Variants in RIF1 observed in about 807,000 individuals in gnomAD.
RIF1 encodes replication timing regulatory factor 1.
A neutral mutation model predicts 247.1 loss-of-function variants in RIF1; 45 were observed. The ratio of observed to expected loss-of-function variants is 0.18; its 90% CI spans 0.14 to 0.23. RIF1 has a LOEUF of 0.23. RIF1 is among the 10% of genes least tolerant of loss of function. The pLI is 1.00. For synonymous variants in RIF1, 1,087 were observed against 978.8 expected (o/e 1.11, Z -2.06); for missense variants, 2,967 against 2,862.5 (o/e 1.04, Z -0.83).
intron 9 of RIF1, chr2:151,491,649 T>C (rs1344050517): frequency 4.8e-6 from 7 of 1,459,990 alleles, no homozygotes; most frequent in Non-Finnish European, 6.6e-6. Context: ...TAAATGGTGA[T>C]GTTTATGTTG....
chr2:151,518,451 T>A, the RIF1 span: 3 of 1,351,524 alleles, frequency 2.2e-6, no homozygotes, highest in Non-Finnish European at 3.2e-6. Flanking sequence ...AAAAGGCACA[T>A]TGATGGAGAA....
intron 9 of RIF1, chr2:151,490,004 T>C: frequency 6.2e-7 from 1 of 1,612,188 alleles, no homozygotes; most frequent in Non-Finnish European, 8.5e-7. Context: ...GGATGGAAGA[T>C]ACCGTTGTCT....
downstream of RIF1, among the ~76,000 whole-genome samples, chr2:151,512,017 C>CTTTT (rs2074799760): frequency 7.7e-6 from 1 of 130,128 alleles, no homozygotes; most frequent in Non-Finnish European, 1.6e-5. Flanking sequence ...TACCCTCTCA[C>CTTTT]TCTTTTTTTT....
chr2:151,426,318 G>A (rs929428979), intron 8 of RIF1, among the ~76,000 whole-genome samples: 1 of 151,376 alleles, frequency 6.6e-6, no homozygotes, highest in Non-Finnish European at 1.5e-5. Flanking sequence ...GAGACTGCAG[G>A]CGCACGCCAC....
intron 11 of RIF1, among the ~76,000 whole-genome samples, chr2:151,436,009 A>C (rs1691123099): frequency 6.6e-6 from 1 of 152,090 alleles, no homozygotes; most frequent in Non-Finnish European, 1.5e-5. Flanking sequence ...AGATCACTTG[A>C]GGTCAGGCAT....
rs1186741422 is a variant in RIF1, at chr2:151,469,829, G to A, written c.7060G>A (p.Val2354Ile). Reference protein sequence around the residue: ...LPIRSPKVSNVKKALRIYHEQ... With the variant: ...LPIRSPKVSNIKKALRIYHEQ... Reference sequence around the variant, plus strand: ...TATCCGTTCTCCAAAAGTGTCCAATGTAAAAAAGGCTCTCAGAATATATCA... The same window carrying A: ...TATCCGTTCTCCAAAAGTGTCCAATATAAAAAAGGCTCTCAGAATATATCA... Residue 2354 changes from valine (V) to isoleucine (I), a missense_variant, in exon 34 of 36, where the codon GTA (valine) becomes ATA (isoleucine). Transcript: ENST00000444746. 2 of 1,610,266 alleles carry A rather than the reference G, an allele frequency of 1.2e-6. No homozygotes were observed. Among genetic ancestry groups the A allele is most frequent in the South Asian group, 2.2e-5 (2 of 90,460 alleles).
At chr2:151,514,347 C>G in the RIF1 span, 1 of 1,613,602 alleles carries the variant, frequency 6.2e-7, no homozygotes, top group South Asian at 1.1e-5. Context: ...GCATTCTTTG[C>G]TCTTAGCATG....
At chr2:151,425,133 T>A (rs1250393345) in intron 8 of RIF1, among the ~76,000 whole-genome samples, 1 of 152,110 alleles carries the variant, frequency 6.6e-6, no homozygotes, top group Admixed American at 6.6e-5. Flanking sequence ...TGGTATAGAT[T>A]TGCATTTCTC....
At chr2:151,450,968 C>T (rs1302130375) in intron 20 of RIF1, among the ~76,000 whole-genome samples, 1 of 152,132 alleles carries the variant, frequency 6.6e-6, no homozygotes, top group Non-Finnish European at 1.5e-5. Context: ...GATAGAGAAT[C>T]TGTGATCCTA....
chr2:151,516,586 G>A, the RIF1 span: 4 of 1,463,812 alleles, frequency 2.7e-6, no homozygotes, highest in Non-Finnish European at 3.8e-6. Flanking sequence ...AGCCATGTTA[G>A]ATATCTCTCC....
chr2:151,486,027 CA>C (rs2050032408), downstream of RIF1: 1 of 1,304,010 alleles, frequency 7.7e-7, no homozygotes, highest in African/African-American at 1.4e-5. Context: ...ACTGACTCCA[CA>C]AACTTAAGTT....
rs754183567 is a variant in RIF1 at position 151,463,766 on chromosome 2, C to G, written c.4246C>G (p.Arg1416Gly). The change falls in exon 30 of 36, where the codon CGG becomes GGG. Residue 1416 changes from arginine to glycine, a missense_variant. This residue lies in a region of RIF1 where 2,028 missense variants were observed against 1,825.6 expected (regional missense o/e 1.11). Transcript: ENST00000444746. ...QITPNQKTLR[R>G]SSRRRSEVVE... is the part of the protein sequence containing the mutation. ...AACTCCAAATCAGAAAACCCTTAGA[C>G]GGTCTTCAAGGCGACGTTCAGAAGT... 1.9e-6 allele frequency: 3 copies of G among 1,613,764 alleles called. No homozygotes were observed. The South Asian group carries it at 3.3e-5, about 18-fold the overall frequency.
rs1424020602 is a variant in RIF1, at chr2:151,460,036, A to G, written c.2992A>G (p.Met998Val). 2.6e-6 allele frequency: 4 copies of G among 1,568,048 alleles called. No individual in the cohort carries two copies. The African/African-American group carries it at 5.5e-5, about 21-fold the overall frequency. Residue 998 changes from methionine to valine, a missense_variant, in exon 26 of 36, where the codon ATG (methionine) becomes GTG (valine). Met to Val is a conservative substitution (Grantham distance 21, BLOSUM62 1). Transcript: ENST00000444746. Reference protein sequence around the residue: ...NSQLNVKISGMERKSNGKRDS... With the variant: ...NSQLNVKISGVERKSNGKRDS... ...ACAACTAAATGTGAAGATAAGTGGC[A>G]TGGAGAGAAAATCAAATGGAAAAAG...
downstream of RIF1, among the ~76,000 whole-genome samples, chr2:151,509,251 C>T (rs1011079511): frequency 7.9e-5 from 12 of 152,226 alleles, no homozygotes; most frequent in Admixed American, 1.3e-4. Context: ...TCGGAAGAAA[C>T]GGTAGTTCAT....
chr2:151,510,457 T>C (rs529974373), downstream of RIF1, among the ~76,000 whole-genome samples: 1 of 152,366 alleles, frequency 6.6e-6, no homozygotes, highest in South Asian at 2.1e-4. Context: ...AGACCTGGCC[T>C]GCCATACTGG....
At chr2:151,510,453 G>A (rs2073272339), downstream of RIF1, among the ~76,000 whole-genome samples, 1 of 152,176 alleles carries the variant, frequency 6.6e-6, no homozygotes, top group Non-Finnish European at 1.5e-5. Flanking sequence ...AGTGAGACCT[G>A]GCCTGCCATA....
intron 34 of RIF1, among the ~76,000 whole-genome samples, chr2:151,471,785 G>C (rs951920628): frequency 1.3e-5 from 2 of 152,140 alleles, no homozygotes; most frequent in South Asian, 2.1e-4. Context: ...TTGTAGTATA[G>C]TTTGAAGTCA....
chr2:151,487,041 G>T (rs907846186), downstream of RIF1, among the ~76,000 whole-genome samples: 11 of 151,790 alleles, frequency 7.2e-5, no homozygotes, highest in African/African-American at 2.7e-4. Flanking sequence ...ATGTATGCAT[G>T]AAATTGTGTG....
At chr2:151,500,212 A>G (rs1486003522) in intron 11 of RIF1, among the ~76,000 whole-genome samples, 1 of 152,196 alleles carries the variant, frequency 6.6e-6, no homozygotes, top group Non-Finnish European at 1.5e-5. Context: ...ACAGAACAAA[A>G]AGACAGTGGG....
Sources: allele counts gnomAD v4.1 joint callset (sites outside exome capture counted in the v4.1 genomes callset), GRCh38; gene constraint gnomAD v4.1.1; regional missense constraint gnomAD v4.1.1; transcripts MANE v1.5; gene names NCBI Gene and HGNC (gene_info 2026-07-23, HGNC 2026-07-21).